Variants in DPYD observed in about 807,000 individuals in gnomAD.
DPYD encodes the protein dihydropyrimidine dehydrogenase [NADP(+)].
In DPYD, 109 loss-of-function variants were observed where a neutral mutation model predicts 116.2. The ratio of observed to expected loss-of-function variants is 0.94; its 90% CI spans 0.80 to 1.10. The LOEUF (loss-of-function observed/expected upper bound fraction) is 1.10. DPYD is among the 50% of genes least tolerant of loss of function. The probability of loss-of-function intolerance (pLI) is 0.00; values close to 1 mark genes in which losing one functional copy is unlikely to be tolerated. For synonymous variants in DPYD, 440 were observed against 432.0 expected, an observed-to-expected ratio of 1.02 and a Z score of -0.23; for missense variants, 1,302 against 1,254.5, an observed-to-expected ratio of 1.04 and a Z score of -0.57.
At chr1:97,269,572 T>G (rs1664444573) in intron 18 of DPYD, among the ~76,000 whole-genome samples, 1 of 152,152 alleles carries the variant, frequency 6.6e-6, no homozygotes, top group African/African-American at 2.4e-5. Flanking sequence ...AGAGATTTAT[T>G]TCTTATAGTT....
intron 13 of DPYD, among the ~76,000 whole-genome samples, chr1:97,475,871 G>T: frequency 6.6e-6 from 1 of 152,150 alleles, no homozygotes; most frequent in East Asian, 1.9e-4. Flanking sequence ...GTTAATACCT[G>T]ATCCAAGATA....
At chr1:97,355,331 T>C (rs74105107) in intron 16 of DPYD, among the ~76,000 whole-genome samples, 39,661 of 152,098 alleles carry the variant, frequency 0.26, 5,430 homozygotes, top group East Asian at 0.48. Context: ...ATGAATACAA[T>C]GTATACGTTA....
At chr1:97,253,558 C>T (rs1430580835) in intron 18 of DPYD, among the ~76,000 whole-genome samples, 1 of 152,098 alleles carries the variant, frequency 6.6e-6, no homozygotes, top group Admixed American at 6.6e-5. Flanking sequence ...TCCCTTGTGC[C>T]ATTCTCATCC....
chr1:97,091,568 C>T (rs572259353), intron 21 of DPYD, among the ~76,000 whole-genome samples: 3 of 152,216 alleles, frequency 2.0e-5, no homozygotes, highest in East Asian at 1.9e-4. Context: ...TTAATATCAA[C>T]GTGGACTGAA....
chr1:97,220,177 T>C (rs749476115), intron 19 of DPYD, among the ~76,000 whole-genome samples: 2 of 152,160 alleles, frequency 1.3e-5, no homozygotes, highest in Admixed American at 6.5e-5. Flanking sequence ...TCTGCCCTTA[T>C]GAATGGATTA....
chr1:97,237,497 A>G (rs72726649), intron 18 of DPYD, among the ~76,000 whole-genome samples: 5 of 152,128 alleles, frequency 3.3e-5, no homozygotes, highest in Admixed American at 3.3e-4. Context: ...ACAAAGTATT[A>G]AGTTGGGCAA....
intron 5 of DPYD, chr1:97,719,788 T>G (rs1274226849): frequency 1.0e-6 from 1 of 984,646 alleles, no homozygotes; most frequent in Non-Finnish European, 1.2e-6. Context: ...ATTTTTAATT[T>G]ATAATTTGAT....
rs764355486 is a variant in DPYD at position 97,813,285 on chromosome 1, A to C, written c.233+14829T>G. Among the ~76,000 whole-genome samples the C allele has an allele frequency of 7.2e-5, 11 of 152,182 alleles. 1 individual carries two copies. Among genetic ancestry groups the C allele is most frequent in the African/African-American group, 1.2e-4 (5 of 41,456 alleles). ...AACAGCTTTTTCATCCAAGCTGTTT[A>C]AATTTCAACCCAATTCTTACCTCTG... On this transcript the variant is annotated intron_variant, in intron 3 of 22. Transcript: ENST00000370192.
chr1:97,377,561 C>G (rs901164630), intron 15 of DPYD, among the ~76,000 whole-genome samples: 7 of 152,196 alleles, frequency 4.6e-5, no homozygotes, highest in African/African-American at 1.7e-4. Flanking sequence ...TGGAATATGA[C>G]AGTGGTATAG....
At chr1:97,115,986 T>C (rs1651936247) in intron 20 of DPYD, among the ~76,000 whole-genome samples, 2 of 152,174 alleles carry the variant, frequency 1.3e-5, no homozygotes, top group African/African-American at 2.4e-5. Context: ...TAGGTCTATA[T>C]GGGGTGTTGG....
intron 7 of DPYD, among the ~76,000 whole-genome samples, chr1:97,682,209 T>C (rs1403752908): frequency 6.6e-6 from 1 of 152,030 alleles, no homozygotes; most frequent in Non-Finnish European, 1.5e-5. Context: ...CAGTTGAGTT[T>C]TCCTTTCATG....
intron 11 of DPYD, among the ~76,000 whole-genome samples, chr1:97,562,716 A>G (rs1006666370): frequency 6.6e-6 from 1 of 152,058 alleles, no homozygotes; most frequent in African/African-American, 2.4e-5. Context: ...GCATATATGC[A>G]GATCAATGTC....
At chr1:97,746,713 A>G (rs1251999709) in intron 3 of DPYD, among the ~76,000 whole-genome samples, 1 of 152,132 alleles carries the variant, frequency 6.6e-6, no homozygotes, top group Non-Finnish European at 1.5e-5. Context: ...CATCATGAAT[A>G]CAGGTACAGA....
intron 1 of DPYD, among the ~76,000 whole-genome samples, chr1:97,913,848 G>A (rs551451544): frequency 2.6e-5 from 4 of 151,958 alleles, no homozygotes; most frequent in East Asian, 1.9e-4. Context: ...TAAAACATGG[G>A]GGGGAGGAGG....
intron 18 of DPYD, among the ~76,000 whole-genome samples, chr1:97,296,657 G>C (rs1666549251): frequency 6.6e-6 from 1 of 151,916 alleles, no homozygotes; most frequent in African/African-American, 2.4e-5. Context: ...TTTAAAGACT[G>C]AATCTAGGAA....
At chr1:97,176,867 A>ATGTGTGT (rs1557914839) in intron 20 of DPYD, among the ~76,000 whole-genome samples, 2 of 57,542 alleles carry the variant, frequency 3.5e-5, no homozygotes, top group Non-Finnish European at 3.2e-5. Context: ...GGGACAAAAA[A>ATGTGTGT]ATGTGTGTGT....
At chr1:97,324,125 C>G (rs180712874) in intron 16 of DPYD, among the ~76,000 whole-genome samples, 12 of 152,130 alleles carry the variant, frequency 7.9e-5, no homozygotes, top group Non-Finnish European at 7.4e-5. Context: ...CTGGACAACT[C>G]TTGGTGTTCA....
intron 10 of DPYD, among the ~76,000 whole-genome samples, chr1:97,582,985 T>C (rs925785773): frequency 1.3e-5 from 2 of 152,180 alleles, no homozygotes; most frequent in African/African-American, 2.4e-5. Flanking sequence ...TGTTTGTTTT[T>C]TGAGATGGAG....
chr1:97,181,083 T>C (rs1371861120), intron 20 of DPYD, among the ~76,000 whole-genome samples: 1 of 152,096 alleles, frequency 6.6e-6, no homozygotes, highest in Non-Finnish European at 1.5e-5. Flanking sequence ...TACTATCTCA[T>C]CCTATATCTC....
Sources: gnomAD v4.1 joint callset for allele counts (sites outside exome capture counted in the v4.1 genomes callset) on GRCh38, gnomAD v4.1.1 for gene constraint, MANE v1.5 for transcripts, NCBI Gene and HGNC (gene_info 2026-07-23, HGNC 2026-07-21) for gene names.